Variants in SSH2 observed in about 807,000 individuals in gnomAD.
SSH2 encodes the protein slingshot protein phosphatase 2, also known as protein phosphatase Slingshot homolog 2.
A neutral mutation model predicts 135.2 loss-of-function variants in SSH2; 37 were observed. The observed-to-expected ratio is 0.27, with a 90% CI of 0.21 to 0.36. The LOEUF (loss-of-function observed/expected upper bound fraction) is 0.36. Ranked by LOEUF, SSH2 falls within the 10% of genes least tolerant of loss-of-function variation. The pLI is 1.00. For missense variants in SSH2, 1,408 were observed against 1,765.3 expected, an observed-to-expected ratio of 0.80 and a Z score of 3.63; for synonymous variants, 628 against 646.2, an observed-to-expected ratio of 0.97 and a Z score of 0.43.
chr17:29,632,954 A>C (rs1283288504), intron 15 of SSH2, 23 bp from the exon 16 acceptor site: 1 of 1,563,894 alleles, frequency 6.4e-7, no homozygotes, highest in African/African-American at 1.4e-5. Flanking sequence ...AGTAGTGAGA[A>C]GATTATGGCA....
intron 12 of SSH2, among the ~76,000 whole-genome samples, chr17:29,655,252 C>A (rs902937738): frequency 3.3e-5 from 5 of 151,904 alleles, no homozygotes; most frequent in Non-Finnish European, 5.9e-5. Flanking sequence ...TACAGGCGCC[C>A]GCCACCATGC....
At chr17:29,891,435 AT>A (rs112618609) in intron 1 of SSH2, among the ~76,000 whole-genome samples, 2,332 of 151,822 alleles carry the variant, frequency 0.015, 59 homozygotes, top group African/African-American at 0.052. Context: ...TTCTAAATAA[AT>A]TTTTTTTTCA....
chr17:29,855,924 G>T, intron 1 of SSH2: 1 of 263,042 alleles, frequency 3.8e-6, no homozygotes, highest in South Asian at 4.2e-5. Flanking sequence ...GCGCTAGGTT[G>T]ACAAATGATT....
intron 2 of SSH2, among the ~76,000 whole-genome samples, chr17:29,809,011 T>C (rs531952012): frequency 1.3e-5 from 2 of 152,198 alleles, no homozygotes; most frequent in Non-Finnish European, 2.9e-5. Flanking sequence ...CCTGGGACTT[T>C]GGGAGGCTGA....
chr17:29,648,117 G>A (rs1310627978), intron 14 of SSH2, 27 bp downstream of exon 14: 2 of 1,605,264 alleles, frequency 1.2e-6, no homozygotes, highest in East Asian at 2.2e-5. Flanking sequence ...TAAAAGGAGG[G>A]AGAATTGGAG....
chr17:29,889,021 T>C (rs115147794), intron 1 of SSH2, among the ~76,000 whole-genome samples: 487 of 144,496 alleles, frequency 3.4e-3, no homozygotes, highest in African/African-American at 0.012. Context: ...GCATTGTATA[T>C]AAAATTTGAG....
intron 1 of SSH2, among the ~76,000 whole-genome samples, chr17:29,881,934 AAAAC>A (rs562776889): frequency 4.6e-4 from 70 of 152,332 alleles, no homozygotes; most frequent in Non-Finnish European, 6.2e-4. Context: ...TTCAAGGAGA[AAAAC>A]AAACAAACAA....
chr17:29,649,089 C>T (rs1240121924), intron 13 of SSH2, among the ~76,000 whole-genome samples: 2 of 151,194 alleles, frequency 1.3e-5, no homozygotes, highest in African/African-American at 2.4e-5. Context: ...TGCAGTGAGC[C>T]GAGATGGCAC....
intron 8 of SSH2, chr17:29,676,546 G>A: frequency 2.9e-6 from 1 of 342,652 alleles, no homozygotes; most frequent in Non-Finnish European, 5.4e-6. Flanking sequence ...ATAAAACTCG[G>A]TATCAACTGG....
chr17:29,665,114 G>T (rs1199697566), intron 11 of SSH2, among the ~76,000 whole-genome samples: 1 of 152,254 alleles, frequency 6.6e-6, no homozygotes, highest in East Asian at 1.9e-4. Flanking sequence ...CCCATAGAAC[G>T]AGTGACTCAC....
Position 29,793,885 on chromosome 17 carries a change from C to T in SSH2, c.188+9G>A, listed in dbSNP as rs2042114688. 3.7e-6 allele frequency: 6 copies of T among 1,611,074 alleles called. No individual in the cohort carries two copies. The African/African-American group carries it at 5.3e-5, about 14-fold the overall frequency. On this transcript the variant is annotated intron_variant, in intron 3 of 15. Coordinates refer to ENST00000540801, the MANE Select transcript of SSH2 (RefSeq NM_001282129.2). ...CAAAAATGCCGTAGGATATAATGAA[C>T]AAACATACCTCCTGGGCTGTGACCG... is the stretch of plus-strand genomic sequence containing the variant.
At chr17:29,835,316 A>G (rs2042924346) in intron 2 of SSH2, among the ~76,000 whole-genome samples, 3 of 152,230 alleles carry the variant, frequency 2.0e-5, no homozygotes, top group Non-Finnish European at 4.4e-5. Context: ...ACCCTAAAAC[A>G]AAAACAACAA....
intron 2 of SSH2, among the ~76,000 whole-genome samples, chr17:29,844,246 C>T (rs2043093188): frequency 6.6e-6 from 1 of 152,140 alleles, no homozygotes; most frequent in Non-Finnish European, 1.5e-5. Context: ...ATATGACCTT[C>T]TGCCTGTTTG....
chr17:29,736,220 G>A (rs1014542007), intron 3 of SSH2, among the ~76,000 whole-genome samples: 3 of 150,042 alleles, frequency 2.0e-5, no homozygotes, highest in African/African-American at 7.4e-5. Context: ...TTTTGGATAA[G>A]ATTTTGAAAT....
rs181626121 is a variant in SSH2, at chr17:29,873,514, G to A, written c.64-24585C>T. Among the ~76,000 whole-genome samples, 123 of 151,730 alleles carry A rather than the reference G, an allele frequency of 8.1e-4. 1 individual carries two copies. Among genetic ancestry groups the A allele is most frequent in the Middle Eastern group, 6.8e-3 (2 of 294 alleles). ...GTGGAGGCTGCAATGACCTGAGCTC[G>A]CCCTGCTGCACTCCAGCTTGGGAGA... On this transcript the variant is annotated intron_variant, in intron 1 of 15. Transcript: ENST00000540801.
intron 1 of SSH2, among the ~76,000 whole-genome samples, chr17:29,861,697 G>A (rs1337563707): frequency 2.0e-5 from 3 of 151,980 alleles, no homozygotes; most frequent in Non-Finnish European, 4.4e-5. Context: ...CCAAGTAGCT[G>A]GGACTACAGG....
intron 1 of SSH2, among the ~76,000 whole-genome samples, chr17:29,901,023 G>C (rs573301977): frequency 6.6e-6 from 1 of 151,920 alleles, no homozygotes; most frequent in Admixed American, 6.6e-5. Context: ...GCAAACTATC[G>C]CAAGAACAAA....
intron 1 of SSH2, among the ~76,000 whole-genome samples, chr17:29,870,912 C>T (rs2065927542): frequency 6.6e-6 from 1 of 152,166 alleles, no homozygotes; most frequent in South Asian, 2.1e-4. Context: ...AGTCTGCACA[C>T]CCCAAAGGTC....
chr17:29,775,169 C>A (rs1443898480), intron 3 of SSH2, among the ~76,000 whole-genome samples: 7 of 152,098 alleles, frequency 4.6e-5, no homozygotes, highest in Non-Finnish European at 5.9e-5. Context: ...TTAGGTAATT[C>A]ATGCCTATTA....
Sources: allele counts gnomAD v4.1 joint callset (sites outside exome capture counted in the v4.1 genomes callset), GRCh38; gene constraint gnomAD v4.1.1; transcripts MANE v1.5; gene names NCBI Gene and HGNC (gene_info 2026-07-23, HGNC 2026-07-21).